FMN1: variants seen among roughly 807,000 people sequenced by gnomAD.
FMN1 encodes formin-1.
Under a neutral mutation model 132.4 loss-of-function variants are expected in FMN1, and 110 were observed. The ratio of observed to expected loss-of-function variants is 0.83; its 90% CI spans 0.71 to 0.97. FMN1 has a LOEUF of 0.97. Ranked by LOEUF, FMN1 falls within the 50% of genes least tolerant of loss-of-function variation. The pLI is 0.00. For synonymous variants in FMN1, 722 were observed against 651.7 expected, an observed-to-expected ratio of 1.11 and a Z score of -1.64; for missense variants, 1,792 against 1,705.3, an observed-to-expected ratio of 1.05 and a Z score of -0.90.
At chr15:33,049,085 A>G (rs2036850010) in intron 6 of FMN1, among the ~76,000 whole-genome samples, 1 of 152,230 alleles carries the variant, frequency 6.6e-6, no homozygotes, top group Admixed American at 6.5e-5. Flanking sequence ...TTTGTGAAAA[A>G]TTAATCTTGT....
chr15:32,844,592 T>C (rs2058816793), intron 17 of FMN1, among the ~76,000 whole-genome samples: 1 of 152,230 alleles, frequency 6.6e-6, no homozygotes, highest in African/African-American at 2.4e-5. Context: ...ATTATACATA[T>C]AACAAAAATA....
chr15:33,156,089 A>G (rs1429592071), intron 3 of FMN1, among the ~76,000 whole-genome samples: 1 of 152,172 alleles, frequency 6.6e-6, no homozygotes, highest in Non-Finnish European at 1.5e-5. Context: ...GCTACATAAA[A>G]GTATATTTTG....
At chr15:33,118,314 T>C (rs1209629901) in intron 4 of FMN1, among the ~76,000 whole-genome samples, 1 of 152,188 alleles carries the variant, frequency 6.6e-6, no homozygotes, top group Non-Finnish European at 1.5e-5. Flanking sequence ...CCAGTCCATT[T>C]GGTACCCTTG....
chr15:33,071,922 A>G (rs957985754), intron 5 of FMN1, among the ~76,000 whole-genome samples: 1 of 152,216 alleles, frequency 6.6e-6, no homozygotes, highest in Admixed American at 6.5e-5. Flanking sequence ...CTCAGTATCT[A>G]TGTGCTGAAA....
At chr15:33,017,807 G>A (rs886135753) in intron 6 of FMN1, among the ~76,000 whole-genome samples, 19 of 152,154 alleles carry the variant, frequency 1.2e-4, no homozygotes, top group African/African-American at 4.6e-4. Context: ...GCTCACGCCC[G>A]TAATCCCAGC....
intron 4 of FMN1, among the ~76,000 whole-genome samples, chr15:33,139,955 A>G (rs1373680375): frequency 6.6e-6 from 1 of 152,176 alleles, no homozygotes; most frequent in East Asian, 1.9e-4. Flanking sequence ...AAAATTTCAA[A>G]TGTCTTTAGG....
At chr15:33,042,855 G>C (rs139910208) in intron 6 of FMN1, among the ~76,000 whole-genome samples, 2,425 of 152,022 alleles carry the variant, frequency 0.016, 21 homozygotes, top group Non-Finnish European at 0.025. Flanking sequence ...GCCAGTAGCT[G>C]CTGAAGCCTA....
At chr15:32,966,120 T>G (rs998529917) in intron 8 of FMN1, among the ~76,000 whole-genome samples, 12 of 152,100 alleles carry the variant, frequency 7.9e-5, no homozygotes, top group African/African-American at 2.7e-4. Context: ...AGTGAAGTGA[T>G]GCAGAGTGTC....
rs569057101 is a variant in FMN1 at position 33,067,069 on chromosome 15, T to C, written c.2044-1995A>G. 17 of 1,613,946 alleles carry C rather than the reference T, an allele frequency of 1.1e-5. No individual in the cohort carries two copies. The Admixed American group carries it at 1.3e-4, about 13-fold the overall frequency. On this transcript the variant is annotated intron_variant, in intron 5 of 20. Transcript: ENST00000616417. The stretch of plus-strand genomic sequence containing the variant: ...GAAGCCCACTGAAAAAAGCTGGAAG[T>C]TGGAATGACTTCTCTCCAGAGACTT...
intron 9 of FMN1, among the ~76,000 whole-genome samples, chr15:32,926,811 G>T (rs1003224813): frequency 1.3e-5 from 2 of 152,140 alleles, no homozygotes; most frequent in African/African-American, 4.8e-5. Flanking sequence ...TTGAGAGAAG[G>T]TCTAGCTCTG....
At chr15:32,873,480 C>T (rs961440296) in intron 16 of FMN1, among the ~76,000 whole-genome samples, 6 of 152,172 alleles carry the variant, frequency 3.9e-5, no homozygotes, top group East Asian at 1.9e-4. Flanking sequence ...TGAGTTATGG[C>T]GCAGGGACAG....
intron 16 of FMN1, among the ~76,000 whole-genome samples, chr15:32,860,173 AAAG>A (rs1187280616): frequency 2.3e-5 from 3 of 132,834 alleles, no homozygotes; most frequent in Non-Finnish European, 5.0e-5. Flanking sequence ...GAAAAGGAAA[AAAG>A]AAAAGGGAGG....
chr15:32,969,705 C>T (rs1425025844), intron 7 of FMN1, among the ~76,000 whole-genome samples: 1 of 152,130 alleles, frequency 6.6e-6, no homozygotes, highest in South Asian at 2.1e-4. Context: ...AGCCTGAGCT[C>T]ACGGGAGATA....
At chr15:32,934,854 G>A (rs1474477977) in intron 9 of FMN1, among the ~76,000 whole-genome samples, 7 of 150,778 alleles carry the variant, frequency 4.6e-5, no homozygotes, top group Admixed American at 2.0e-4. Context: ...TGATCCACCC[G>A]CCTCGGCCTC....
At chr15:33,033,180 G>T (rs1220633958) in intron 6 of FMN1, among the ~76,000 whole-genome samples, 1 of 151,972 alleles carries the variant, frequency 6.6e-6, no homozygotes, top group Non-Finnish European at 1.5e-5. Flanking sequence ...ACAGGTGCCC[G>T]CCACCACACG....
chr15:33,114,394 T>C (rs866136258), intron 4 of FMN1, among the ~76,000 whole-genome samples: 2 of 152,216 alleles, frequency 1.3e-5, no homozygotes, highest in Non-Finnish European at 2.9e-5. Context: ...CATAAATATA[T>C]GCAGAAATGA....
At chr15:32,883,807 C>G (rs937960756) in intron 16 of FMN1, among the ~76,000 whole-genome samples, 2 of 152,136 alleles carry the variant, frequency 1.3e-5, no homozygotes, top group African/African-American at 4.8e-5. Context: ...TTAGGAAATG[C>G]TGTTTTAAAC....
At chr15:33,025,615 A>G (rs1014708571) in intron 6 of FMN1, among the ~76,000 whole-genome samples, 1 of 152,188 alleles carries the variant, frequency 6.6e-6, no homozygotes, top group Admixed American at 6.5e-5. Context: ...CCAACCAACC[A>G]ACAAAGCAAT....
chr15:32,815,653 G>A (rs1476680709), intron 17 of FMN1, among the ~76,000 whole-genome samples: 3 of 152,158 alleles, frequency 2.0e-5, no homozygotes, highest in East Asian at 1.9e-4. Flanking sequence ...ACGGAATCAC[G>A]TACTGGAGTG....
Sources: allele counts gnomAD v4.1 joint callset (sites outside exome capture counted in the v4.1 genomes callset), GRCh38; gene constraint gnomAD v4.1.1; transcripts MANE v1.5; gene names NCBI Gene and HGNC (gene_info 2026-07-23, HGNC 2026-07-21).